GARS1: variants seen among roughly 807,000 people sequenced by gnomAD.
GARS1 encodes the protein glycyl-tRNA synthetase 1, also known as glycine--tRNA ligase.
GARS1 carries 46 observed loss-of-function variants against 86.4 expected under a neutral mutation model. The ratio of observed to expected loss-of-function variants is 0.53; its 90% confidence interval spans 0.42 to 0.68. The LOEUF is 0.68. GARS1 is among the 30% of genes least tolerant of loss of function. The pLI is 0.00. For synonymous variants in GARS1, 342 were observed against 329.8 expected (o/e 1.04, Z -0.40); for missense variants, 797 against 915.6 (o/e 0.87, Z 1.67).
At chr7:30,608,404 C>G (rs937031578) in intron 6 of GARS1, among the ~76,000 whole-genome samples, 7 of 152,158 alleles carry the variant, frequency 4.6e-5, no homozygotes, top group Non-Finnish European at 1.0e-4. Context: ...ACTTTCTACT[C>G]TAGTAGGACC....
intron 1 of GARS1, among the ~76,000 whole-genome samples, chr7:30,596,122 C>T (rs1253206353): frequency 6.6e-6 from 1 of 152,190 alleles, no homozygotes; most frequent in Non-Finnish European, 1.5e-5. Flanking sequence ...GTAGTAAACA[C>T]CAAACGGGTT....
chr7:30,601,292 A>G (rs1285313430), intron 4 of GARS1, 92 bp downstream of exon 4: 32 of 1,124,204 alleles, frequency 2.8e-5, no homozygotes, highest in Non-Finnish European at 6.3e-6. Context: ...CTTCCTGATT[A>G]TAAAGAACTA....
At chr7:30,615,723 C>A (rs1414513984) in intron 8 of GARS1, among the ~76,000 whole-genome samples, 173 bp from the exon 9 acceptor site, 1 of 152,040 alleles carries the variant, frequency 6.6e-6, no homozygotes, top group Non-Finnish European at 1.5e-5. Context: ...AAATTTAATT[C>A]AAAATTTTTT....
At chr7:30,601,249 T>C (rs775601213) in intron 4 of GARS1, 49 bp downstream of exon 4, 4 of 1,461,644 alleles carry the variant, frequency 2.7e-6, no homozygotes, top group Non-Finnish European at 3.7e-6. Flanking sequence ...ATAAAATAAC[T>C]TATTAAATTA....
At chr7:30,605,309 T>C (rs1217128874) in intron 6 of GARS1, among the ~76,000 whole-genome samples, 1 of 152,366 alleles carries the variant, frequency 6.6e-6, no homozygotes, top group East Asian at 1.9e-4. Context: ...TTCTTTTGTT[T>C]CTCTTCTCTG....
chr7:30,632,775 T>C lies in GARS1; in HGVS notation c.2094+338T>C, dbSNP rs1283019438. Among the ~76,000 whole-genome samples, 2 of 152,252 alleles carry C rather than the reference T, an allele frequency of 1.3e-5. No individual in the cohort carries two copies. Among genetic ancestry groups the C allele is most frequent in the Non-Finnish European group, 1.5e-5 (1 of 68,040 alleles). ...TTGGTAGGCTTTGGAGGGTTAGACA[T>C]TTTAATGTTTTATTTTTACAGACGC... On this transcript the variant is annotated intron_variant, in intron 16 of 16. Transcript: ENST00000389266. This position sits in a 1 kb window ranked among gnomAD's most constrained non-coding sequence, Gnocchi z 4.1.
At chr7:30,594,746 C>G (rs374341679), upstream of GARS1, 2 of 606,908 alleles carry the variant, frequency 3.3e-6, no homozygotes, top group Non-Finnish European at 5.8e-6. Context: ...TCGGCGGGGT[C>G]CTTCCGGGTT....
chr7:30,594,862 C>G (rs1198545127), upstream of GARS1: 1 of 1,403,410 alleles, frequency 7.1e-7, no homozygotes. Flanking sequence ...ATGCTCCGAG[C>G]CGGGCGGCGC....
chr7:30,621,540 G>A (rs1783007449), intron 11 of GARS1, 40 bp downstream of exon 11: 1 of 1,394,494 alleles, frequency 7.2e-7, no homozygotes, highest in Non-Finnish European at 1.0e-6. Context: ...GGATTCACAT[G>A]TGAACATCTT....
In GARS1 at chr7:30,628,593, C is replaced by T. The variant is rs778498886; in HGVS notation, c.1733C>T (p.Ser578Phe). 1 of 1,613,034 alleles carries T rather than the reference C, an allele frequency of 6.2e-7. No individual in the cohort carries two copies. Among genetic ancestry groups the T allele is most frequent in the Admixed American group, 1.7e-5 (1 of 60,010 alleles). ...EEVVPNVIEP[S>F]FGLGRIMYTV... ...GTTGTTCCGAATGTAATTGAACCTT[C>T]CTTCGGCCTGGGTAGGATCATGTAT... Residue 578 changes from serine to phenylalanine, a missense_variant, in exon 14 of 17, where the codon TCC becomes TTC. Ser to Phe is a radical substitution (Grantham distance 155). Coordinates refer to ENST00000389266, the MANE Select transcript of GARS1 (RefSeq NM_002047.4).
chr7:30,626,192 G>A, intron 12 of GARS1, 42 bp from the exon 13 acceptor site: 1 of 1,224,202 alleles, frequency 8.2e-7, no homozygotes, highest in Non-Finnish European at 1.2e-6. Context: ...GGCACAGGGT[G>A]CCTGTTTGAA....
chr7:30,602,382 G>A (rs1466161692), intron 4 of GARS1, among the ~76,000 whole-genome samples: 4 of 152,178 alleles, frequency 2.6e-5, no homozygotes, highest in Non-Finnish European at 4.4e-5. Flanking sequence ...CGGCCTGAAA[G>A]AGGAATTCTT....
Position 30,626,242 on chromosome 7 carries a change from C to G in GARS1, c.1622C>G (p.Thr541Arg), listed in dbSNP as rs745739050. Residue 541 changes from threonine (T) to arginine (R), a missense_variant, in exon 13 of 17, where the codon ACA (threonine) becomes AGA (arginine). Physicochemically the swap from Thr to Arg is moderately conservative, Grantham distance 71. Coordinates refer to ENST00000389266, the MANE Select transcript of GARS1 (RefSeq NM_002047.4). ...EMLLNEKGEFTIETEGKTFQL... is the reference protein window; with the variant it reads ...EMLLNEKGEFRIETEGKTFQL... ...GTTTTGTTTCTTCGTAGGGAATTCA[C>G]AATTGAAACTGAAGGGAAAACATTT... The G allele has an allele frequency of 9.4e-6, 15 of 1,603,444 alleles. No homozygotes were observed. The highest frequency in any genetic ancestry group is 1.1e-5 in the Non-Finnish European group (13 of 1,170,706).
intron 14 of GARS1, 29 bp downstream of exon 14, chr7:30,628,698 T>C (rs185253991): frequency 1.6e-5 from 24 of 1,474,508 alleles, no homozygotes; most frequent in Admixed American, 8.4e-5. Flanking sequence ...TGTGCTGTTA[T>C]AGTGTCAGAA....
At chr7:30,595,192 G>T in intron 1 of GARS1, 49 bp downstream of exon 1, 1 of 1,470,926 alleles carries the variant, frequency 6.8e-7, no homozygotes, top group Non-Finnish European at 9.2e-7. Context: ...TCCTCCCAGG[G>T]CCTTCTTCTG....
chr7:30,607,835 G>A (rs2952805), intron 6 of GARS1, among the ~76,000 whole-genome samples: 4,088 of 151,840 alleles, frequency 0.027, 185 homozygotes, highest in African/African-American at 0.092. Flanking sequence ...TGCTTCCTGA[G>A]CAGTTTTTAA....
intron 10 of GARS1, among the ~76,000 whole-genome samples, chr7:30,619,724 C>T (rs1386616076): frequency 3.3e-5 from 5 of 151,346 alleles, no homozygotes; most frequent in South Asian, 4.2e-4. Context: ...TTATTACAGA[C>T]ACCCCATGTG....
At chr7:30,603,376 G>T in intron 5 of GARS1, 120 bp from the exon 6 acceptor site, 1 of 839,338 alleles carries the variant, frequency 1.2e-6, no homozygotes. Context: ...ATCAACTGTG[G>T]GATTCATGTA....
chr7:30,616,801 A>G (rs1034539762), intron 9 of GARS1, among the ~76,000 whole-genome samples: 1 of 152,232 alleles, frequency 6.6e-6, no homozygotes, highest in African/African-American at 2.4e-5. Flanking sequence ...TTTAGTGTCA[A>G]TTATGAATAT....
Sources: allele counts gnomAD v4.1 joint callset (sites outside exome capture counted in the v4.1 genomes callset), GRCh38; gene constraint gnomAD v4.1.1; non-coding constraint Gnocchi (gnomAD v3.1); transcripts MANE v1.5; gene names NCBI Gene and HGNC (gene_info 2026-07-23, HGNC 2026-07-21).